DLGAP1: variants seen among roughly 807,000 people sequenced by gnomAD.
DLGAP1 encodes the protein disks large-associated protein 1.
Under a neutral mutation model 90.8 loss-of-function variants are expected in DLGAP1, and 11 were observed. The ratio of observed to expected loss-of-function variants is 0.12; its 90% CI spans 0.08 to 0.20. DLGAP1 has a LOEUF of 0.20. Ranked by LOEUF, DLGAP1 falls within the 10% of genes least tolerant of loss-of-function variation. The pLI is 1.00. For synonymous variants in DLGAP1, 558 were observed against 540.7 expected (o/e 1.03, Z -0.44); for missense variants, 1,050 against 1,333.8 (o/e 0.79, Z 3.31).
At chr18:4,417,048 G>A (rs1466803713) in intron 1 of DLGAP1, among the ~76,000 whole-genome samples, 3 of 152,042 alleles carry the variant, frequency 2.0e-5, no homozygotes, top group Non-Finnish European at 4.4e-5. Context: ...AGTCAACCCC[G>A]GTCTTGTTCA....
At chr18:4,447,169 T>G (rs1208455245) in intron 1 of DLGAP1, among the ~76,000 whole-genome samples, 3 of 152,208 alleles carry the variant, frequency 2.0e-5, no homozygotes, top group Non-Finnish European at 4.4e-5. Context: ...CCCTCCACCC[T>G]AATCAGAGTC....
chr18:3,812,373 A>ATT (rs199630283), intron 5 of DLGAP1, among the ~76,000 whole-genome samples: 32 of 147,040 alleles, frequency 2.2e-4, no homozygotes, highest in Non-Finnish European at 3.6e-4. Context: ...ATTTCCACGA[A>ATT]TTTTTTTTTT....
intron 5 of DLGAP1, among the ~76,000 whole-genome samples, chr18:3,800,295 T>C (rs1345418110): frequency 6.6e-6 from 1 of 152,232 alleles, no homozygotes; most frequent in Non-Finnish European, 1.5e-5. Context: ...CCAAGGCCTG[T>C]ACTCCCATGA....
At chr18:3,887,965 A>G (rs962151554) in intron 3 of DLGAP1, among the ~76,000 whole-genome samples, 88 of 151,774 alleles carry the variant, frequency 5.8e-4, no homozygotes, top group African/African-American at 1.8e-3. Context: ...AAAATTAGCC[A>G]GGCGTGGTGG....
At chr18:3,597,112 C>T in intron 7 of DLGAP1, 1 of 519,856 alleles carries the variant, frequency 1.9e-6, no homozygotes, top group South Asian at 1.4e-5. Context: ...CACTCTCAGC[C>T]CACACAAAAC....
chr18:4,309,677 T>C (rs2080350609), intron 1 of DLGAP1, among the ~76,000 whole-genome samples: 1 of 152,152 alleles, frequency 6.6e-6, no homozygotes, highest in Non-Finnish European at 1.5e-5. Flanking sequence ...ACATGATGTC[T>C]TAGAGAAAAA....
intron 3 of DLGAP1, among the ~76,000 whole-genome samples, chr18:3,994,549 A>C (rs1239424269): frequency 1.3e-5 from 2 of 152,232 alleles, no homozygotes; most frequent in Non-Finnish European, 2.9e-5. Flanking sequence ...AGAGGAGCTG[A>C]AATTTCGAGT....
intron 2 of DLGAP1, among the ~76,000 whole-genome samples, chr18:4,057,468 C>T (rs1393583173): frequency 1.3e-5 from 2 of 152,166 alleles, no homozygotes; most frequent in Non-Finnish European, 2.9e-5. Context: ...GGACAGCCCA[C>T]CCTAACGGAA....
chr18:4,316,563 A>G (rs2080532904), intron 1 of DLGAP1, among the ~76,000 whole-genome samples: 2 of 152,122 alleles, frequency 1.3e-5, no homozygotes, highest in Non-Finnish European at 2.9e-5. Context: ...GAGACATGTA[A>G]GAGTAGAGGG....
chr18:4,226,849 T>C (rs956764896), intron 1 of DLGAP1, among the ~76,000 whole-genome samples: 3 of 151,858 alleles, frequency 2.0e-5, no homozygotes, highest in African/African-American at 7.2e-5. Flanking sequence ...CAAGAATAAG[T>C]CCTTACTTGT....
chr18:4,162,296 A>G (rs2076860512), intron 1 of DLGAP1, among the ~76,000 whole-genome samples: 1 of 152,194 alleles, frequency 6.6e-6, no homozygotes, highest in South Asian at 2.1e-4. Flanking sequence ...GATTATTGGT[A>G]TCAATAAATA....
intron 3 of DLGAP1, among the ~76,000 whole-genome samples, chr18:3,988,356 C>T (rs534024913): frequency 5.3e-5 from 8 of 152,202 alleles, no homozygotes; most frequent in South Asian, 2.1e-4. Context: ...TGTCACTTGC[C>T]GCTCACTGAT....
intron 3 of DLGAP1, among the ~76,000 whole-genome samples, chr18:3,991,306 G>T (rs1165786783): frequency 1.3e-5 from 2 of 152,074 alleles, no homozygotes; most frequent in Non-Finnish European, 2.9e-5. Context: ...GAATTAAATA[G>T]AATTCTTATA....
At chr18:4,135,057 T>C (rs917824770) in intron 2 of DLGAP1, among the ~76,000 whole-genome samples, 2 of 152,066 alleles carry the variant, frequency 1.3e-5, no homozygotes, top group Admixed American at 1.3e-4. Context: ...GAGTACGTAG[T>C]GTTTGATCTC....
intron 1 of DLGAP1, among the ~76,000 whole-genome samples, chr18:4,395,528 G>A (rs551319561): frequency 1.9e-4 from 29 of 152,136 alleles, no homozygotes; most frequent in Non-Finnish European, 3.5e-4. Flanking sequence ...CATGCAGCTG[G>A]TTCTCTGTAA....
At chr18:4,244,814 A>G (rs117500300) in intron 1 of DLGAP1, among the ~76,000 whole-genome samples, 2,852 of 152,274 alleles carry the variant, frequency 0.019, 36 homozygotes, top group Non-Finnish European at 0.027. Context: ...ACAAATCCAA[A>G]CTGTATGCAT....
intron 2 of DLGAP1, among the ~76,000 whole-genome samples, chr18:4,098,165 C>T (rs538170825): frequency 2.0e-4 from 30 of 152,292 alleles, no homozygotes; most frequent in African/African-American, 4.8e-4. Context: ...CCTCCTGTCT[C>T]GGCCTCCCAA....
chr18:3,879,549 G>C lies in DLGAP1; in HGVS notation c.520C>G (p.Gln174Glu). 1 of 1,599,392 alleles carries C rather than the reference G, an allele frequency of 6.3e-7. No individual in the cohort carries two copies. Among genetic ancestry groups the C allele is most frequent in the Non-Finnish European group, 8.5e-7 (1 of 1,177,874 alleles). The change falls in exon 4 of 13, where the codon CAG (glutamine) becomes GAG (glutamate). Residue 174 changes from glutamine (Q) to glutamate (E), a missense_variant. Gln to Glu is a conservative substitution (Grantham distance 29). This residue lies in a region of DLGAP1 where 485 missense variants were observed against 454.1 expected (regional missense o/e 1.07). Coordinates refer to ENST00000315677, the MANE Select transcript of DLGAP1 (RefSeq NM_004746.4). The surrounding 1 kb of genome is among the most constrained non-coding windows in gnomAD (Gnocchi z 6.6). ...CTGCGTTTGCCATAGCGCGCCGCCT[G>C]CGCCTCGTCAGGGCTGGCCTTGCCC... Reference protein sequence around the residue: ...NGGKASPDEAQAARYGKRSKS... With the variant: ...NGGKASPDEAEAARYGKRSKS...
intron 5 of DLGAP1, among the ~76,000 whole-genome samples, chr18:3,793,770 C>T (rs1214536664): frequency 6.6e-6 from 1 of 152,200 alleles, no homozygotes; most frequent in Non-Finnish European, 1.5e-5. Flanking sequence ...TTTCCCCTTG[C>T]ACAGCTGCAT....
Sources: allele counts gnomAD v4.1 joint callset (sites outside exome capture counted in the v4.1 genomes callset), GRCh38; gene constraint gnomAD v4.1.1; regional missense constraint gnomAD v4.1.1; non-coding constraint Gnocchi (gnomAD v3.1); transcripts MANE v1.5; gene names NCBI Gene and HGNC (gene_info 2026-07-23, HGNC 2026-07-21).